NHSL1: variants seen among roughly 807,000 people sequenced by gnomAD.
The protein encoded by NHSL1 is NHS like 1.
A neutral mutation model predicts 95.0 loss-of-function variants in NHSL1; 48 were observed. The observed-to-expected ratio is 0.51, with a 90% CI of 0.40 to 0.64. The LOEUF is 0.64. Among genes scored for constraint, NHSL1 ranks in the 30% least tolerant of loss-of-function variants. NHSL1 has a pLI of 0.00. For missense variants in NHSL1, 1,971 were observed against 2,077.7 expected, an observed-to-expected ratio of 0.95 and a Z score of 1.00; for synonymous variants, 783 against 833.9, an observed-to-expected ratio of 0.94 and a Z score of 1.05.
chr6:138,628,539 A>C lies in NHSL1; in HGVS notation c.96+63937T>G, dbSNP rs867240989. ...CTGGTTAAGCAAATTCCATTTCAGT[A>C]TTTTACCCTGAGTACTCATGAGAAT... is the stretch of plus-strand genomic sequence containing the variant. On this transcript the variant is annotated intron_variant, in intron 1 of 3. Coordinates refer to the NHSL1 transcript ENST00000491526. 4.6e-5 allele frequency among the ~76,000 whole-genome samples: 7 copies of C among 152,248 alleles called. 1 individual carries two copies. The highest frequency in any genetic ancestry group is 6.8e-3 in the Middle Eastern group (2 of 294).
In NHSL1 at chr6:138,447,027, G is replaced by A; in HGVS notation, c.506C>T (p.Ala169Val). The A allele has an allele frequency of 6.4e-7, 1 of 1,551,706 alleles. No individual in the cohort carries two copies. Among genetic ancestry groups the A allele is most frequent in the Non-Finnish European group, 8.7e-7 (1 of 1,146,982 alleles). The part of the protein sequence containing the change: ...KMRQQAQTVQ[A>V]DVVPINITGE... ...AGTTATGTTAATAGGCACCACGTCAGCCTGGACTGTTTGGGCTTGCTGTCG... is the reference window on the plus strand; with the variant it reads ...AGTTATGTTAATAGGCACCACGTCAACCTGGACTGTTTGGGCTTGCTGTCG... The change falls in exon 4 of 8, where the codon GCT (alanine) becomes GTT (valine). Residue 169 changes from alanine to valine, a missense_variant. By Grantham distance (64) the Ala-to-Val change is moderately conservative (BLOSUM62 0). Transcript: ENST00000343505.
chr6:138,552,038 A>G (rs1245899343), intron 1 of NHSL1, among the ~76,000 whole-genome samples: 2 of 152,330 alleles, frequency 1.3e-5, no homozygotes, highest in Admixed American at 1.3e-4. Context: ...AGGCTCTTCA[A>G]TGGCCTCTGG....
intron 1 of NHSL1, among the ~76,000 whole-genome samples, chr6:138,612,680 A>C (rs749521283): frequency 6.6e-6 from 1 of 152,230 alleles, no homozygotes; most frequent in Non-Finnish European, 1.5e-5. Flanking sequence ...CACACACACA[A>C]AAATTAATGA....
At chr6:138,627,157 A>G (rs1784751327) in intron 1 of NHSL1, among the ~76,000 whole-genome samples, 1 of 152,122 alleles carries the variant, frequency 6.6e-6, no homozygotes. Context: ...ACTATGTCAA[A>G]CCTGTTCCCA....
chr6:138,601,987 T>C (rs1012278687), intron 1 of NHSL1, among the ~76,000 whole-genome samples: 2 of 152,200 alleles, frequency 1.3e-5, no homozygotes, highest in East Asian at 3.8e-4. Flanking sequence ...AGTTTATCAT[T>C]ATTTCACAGG....
At chr6:138,576,271 CATG>C, upstream of NHSL1, among the ~76,000 whole-genome samples, 1 of 152,240 alleles carries the variant, frequency 6.6e-6, no homozygotes, top group East Asian at 1.9e-4. Flanking sequence ...GGATTACAAG[CATG>C]ACCCACCGCT....
rs1001669728 is a variant in NHSL1 at position 138,429,693 on chromosome 6, G to C, written c.4085+18C>G. 1.9e-6 allele frequency: 3 copies of C among 1,542,892 alleles called. No individual in the cohort carries two copies. The highest frequency in any genetic ancestry group is 2.8e-5 in the African/African-American group (2 of 72,630). On this transcript the variant is annotated intron_variant, in intron 7 of 7. Coordinates refer to ENST00000343505, the MANE Select transcript of NHSL1 (RefSeq NM_001144060.2). The stretch of plus-strand genomic sequence containing the variant: ...AATTACACAGTAGATTAAAGTCAGA[G>C]GAAGGAGTTTGAAATACCTGTGAAT...
intron 2 of NHSL1, among the ~76,000 whole-genome samples, chr6:138,495,472 T>C (rs540059128): frequency 1.3e-5 from 2 of 152,276 alleles, no homozygotes; most frequent in South Asian, 2.1e-4. Flanking sequence ...CAGCTTGAAC[T>C]AAACAGAACA....
chr6:138,518,702 T>A (rs1280194636), intron 1 of NHSL1, among the ~76,000 whole-genome samples: 1 of 152,132 alleles, frequency 6.6e-6, no homozygotes, highest in African/African-American at 2.4e-5. Context: ...ACTGACATAG[T>A]AACTTCAATA....
In NHSL1 at chr6:138,634,916, T is replaced by G. The variant is rs148183947; in HGVS notation, c.96+57560A>C. Among the ~76,000 whole-genome samples the G allele has an allele frequency of 2.7e-3, 404 of 149,136 alleles. 5 individuals are homozygous for G. The highest frequency in any genetic ancestry group is 0.021 in the Admixed American group (309 of 15,056). The stretch of plus-strand genomic sequence containing the variant: ...TGGAAACTATATAAACACATGCAAA[T>G]TAAACAACATGCTTCTGAATGGCCA... On this transcript the variant is annotated intron_variant, in intron 1 of 3. Coordinates refer to the NHSL1 transcript ENST00000491526.
chr6:138,458,532 A>G (rs764128634), intron 3 of NHSL1, among the ~76,000 whole-genome samples: 2 of 151,918 alleles, frequency 1.3e-5, no homozygotes, highest in Non-Finnish European at 2.9e-5. Context: ...ATCTCTACTA[A>G]AAGTACAAAA....
chr6:138,488,782 G>A (rs1779867106), intron 2 of NHSL1, among the ~76,000 whole-genome samples: 1 of 152,180 alleles, frequency 6.6e-6, no homozygotes, highest in African/African-American at 2.4e-5. Context: ...TCCATAAAGT[G>A]GAGGGCAGCT....
intron 1 of NHSL1, among the ~76,000 whole-genome samples, chr6:138,663,263 T>C (rs1785249622): frequency 6.6e-6 from 1 of 152,024 alleles, no homozygotes; most frequent in Admixed American, 6.6e-5. Context: ...TATGTCTGTG[T>C]ATATTAAAAA....
chr6:138,691,221 C>T (rs930389683), intron 1 of NHSL1, among the ~76,000 whole-genome samples: 3 of 152,172 alleles, frequency 2.0e-5, no homozygotes, highest in African/African-American at 7.2e-5. Context: ...TGATTCCTCC[C>T]CACTGATTTT....
intron 1 of NHSL1, among the ~76,000 whole-genome samples, chr6:138,684,332 T>C (rs776769859): frequency 6.6e-6 from 1 of 152,052 alleles, no homozygotes. Flanking sequence ...AAGGCTTTCA[T>C]AGACACATCA....
At position 138,596,987 on chromosome 6, in the gene NHSL1, T is replaced by G. The variant is rs566615554; in HGVS notation, c.96+95489A>C. Among the ~76,000 whole-genome samples the G allele has an allele frequency of 2.0e-3, 302 of 152,126 alleles. 1 individual carries two copies. Among genetic ancestry groups the G allele is most frequent in the African/African-American group, 6.7e-3 (278 of 41,502 alleles). On this transcript the variant is annotated intron_variant, in intron 1 of 3. Transcript: ENST00000491526. ...CAGCCTGGCCCACGTGGCAAAACCC[T>G]GTCTCTACCAAAAAATATAAGAAAT... is the stretch of plus-strand genomic sequence containing the variant.
chr6:138,638,254 A>C (rs569494033), intron 1 of NHSL1, among the ~76,000 whole-genome samples: 4 of 152,348 alleles, frequency 2.6e-5, no homozygotes, highest in African/African-American at 9.6e-5. Flanking sequence ...AGGTATAAAA[A>C]AATAGAAAGA....
chr6:138,564,411 A>C (rs942774211), intron 1 of NHSL1, among the ~76,000 whole-genome samples: 1 of 152,146 alleles, frequency 6.6e-6, no homozygotes, highest in Non-Finnish European at 1.5e-5. Context: ...CAAGCCTGTA[A>C]TCCGAGCACT....
At chr6:138,445,020 G>T (rs1186262203) in intron 4 of NHSL1, among the ~76,000 whole-genome samples, 1 of 152,022 alleles carries the variant, frequency 6.6e-6, no homozygotes, top group African/African-American at 2.4e-5. Flanking sequence ...CATTTTAAAG[G>T]CCTCTCTTTA....
Sources: allele counts gnomAD v4.1 joint callset (sites outside exome capture counted in the v4.1 genomes callset), GRCh38; gene constraint gnomAD v4.1.1; transcripts MANE v1.5; gene names NCBI Gene and HGNC (gene_info 2026-07-23, HGNC 2026-07-21).